ME1: variants seen among roughly 807,000 people sequenced by gnomAD.
The protein encoded by ME1 is NADP-dependent malic enzyme.
ME1 carries 74 observed loss-of-function variants against 66.4 expected under a neutral mutation model. That is an observed-to-expected ratio of 1.11 (90% confidence interval 0.92 to 1.35). The LOEUF (loss-of-function observed/expected upper bound fraction) is 1.35, where lower values mean the gene tolerates loss of function less well. Among genes scored for constraint, ME1 ranks in the 40% most tolerant of loss-of-function variants. The probability of loss-of-function intolerance (pLI) is 0.00; values close to 1 mark genes in which losing one functional copy is unlikely to be tolerated. For missense variants in ME1, 750 were observed against 694.1 expected, an observed-to-expected ratio of 1.08 and a Z score of -0.90; for synonymous variants, 251 against 235.6, an observed-to-expected ratio of 1.07 and a Z score of -0.60.
chr6:83,222,344 T>A (rs1348840615), intron 12 of ME1, among the ~76,000 whole-genome samples: 1 of 152,202 alleles, frequency 6.6e-6, no homozygotes. Context: ...TCTCATAGAA[T>A]GACACCGGGT....
intron 6 of ME1, among the ~76,000 whole-genome samples, chr6:83,254,289 G>A (rs1302031072): frequency 2.6e-5 from 4 of 152,198 alleles, no homozygotes; most frequent in Admixed American, 2.6e-4. Context: ...TAAGGGTGTA[G>A]TGAAAGATAC....
At chr6:83,424,010 C>A (rs116558528) in intron 1 of ME1, among the ~76,000 whole-genome samples, 1 of 146,422 alleles carries the variant, frequency 6.8e-6, no homozygotes, top group African/African-American at 2.5e-5. Flanking sequence ...CTCAAGAGGA[C>A]GGACTGAGTC....
intron 5 of ME1, among the ~76,000 whole-genome samples, chr6:83,326,568 G>A (rs183623714): frequency 6.6e-6 from 1 of 152,154 alleles, no homozygotes; most frequent in Admixed American, 6.5e-5. Flanking sequence ...ATCAGAAAGT[G>A]GGCAAAGGAT....
At chr6:83,244,343 T>A (rs925858164) in intron 7 of ME1, among the ~76,000 whole-genome samples, 1 of 152,048 alleles carries the variant, frequency 6.6e-6, no homozygotes, top group African/African-American at 2.4e-5. Context: ...ATAAAACACA[T>A]GTGAAACTGT....
intron 4 of ME1, among the ~76,000 whole-genome samples, chr6:83,350,380 C>G (rs1401374072): frequency 6.6e-6 from 1 of 152,200 alleles, no homozygotes; most frequent in African/African-American, 2.4e-5. Context: ...TGATAGCTTA[C>G]TGCCTAGCTG....
rs575627016 is a variant in ME1, at chr6:83,417,159, C to G, written c.79-9258G>C. Among the ~76,000 whole-genome samples, 4 of 152,256 alleles carry G rather than the reference C, an allele frequency of 2.6e-5. No individual in the cohort carries two copies. In the South Asian group the frequency reaches 6.2e-4, roughly 24 times the overall value. On this transcript the variant is annotated intron_variant, in intron 1 of 13. Coordinates refer to ENST00000369705, the MANE Select transcript of ME1 (RefSeq NM_002395.6). The stretch of plus-strand genomic sequence containing the variant: ...CGAATTCCTGGGCTCAAGCAATCCT[C>G]TTGCCTTAGCTTCTTGAGTAGCTGG...
At chr6:83,377,973 C>CA (rs1218773601) in intron 3 of ME1, among the ~76,000 whole-genome samples, 3 of 152,024 alleles carry the variant, frequency 2.0e-5, no homozygotes, top group Admixed American at 1.3e-4. Flanking sequence ...AGAGGAACCA[C>CA]AGAGATCCAG....
intron 4 of ME1, among the ~76,000 whole-genome samples, chr6:83,349,865 T>C (rs1017424050): frequency 6.6e-6 from 1 of 152,210 alleles, no homozygotes; most frequent in African/African-American, 2.4e-5. Context: ...AATTTCCTTA[T>C]TATCTAAAAA....
intron 7 of ME1, among the ~76,000 whole-genome samples, chr6:83,242,957 C>G (rs1241484145): frequency 6.6e-6 from 1 of 151,884 alleles, no homozygotes; most frequent in African/African-American, 2.4e-5. Context: ...GGAAGCTGGT[C>G]AAAAGTCTGT....
chr6:83,271,538 A>G (rs1767081671), intron 6 of ME1, among the ~76,000 whole-genome samples: 1 of 152,220 alleles, frequency 6.6e-6, no homozygotes, highest in Non-Finnish European at 1.5e-5. Flanking sequence ...TCTCATATCA[A>G]CTACATCAGT....
intron 3 of ME1, among the ~76,000 whole-genome samples, chr6:83,365,315 A>C (rs1037041019): frequency 6.6e-6 from 1 of 151,962 alleles, no homozygotes; most frequent in African/African-American, 2.4e-5. Context: ...GCTGGTCTTG[A>C]ACTCCTGAGC....
intron 12 of ME1, among the ~76,000 whole-genome samples, chr6:83,218,240 C>A (rs1009472851): frequency 6.6e-6 from 1 of 152,160 alleles, no homozygotes; most frequent in East Asian, 1.9e-4. Context: ...CCACAAACCA[C>A]AGCCACCCCC....
chr6:83,373,500 G>A (rs971958288), intron 3 of ME1, among the ~76,000 whole-genome samples: 5 of 152,138 alleles, frequency 3.3e-5, no homozygotes, highest in African/African-American at 7.2e-5. Context: ...TTACAGGCGT[G>A]AGCCACCGCA....
intron 7 of ME1, 22 bp from the exon 8 acceptor site, chr6:83,239,658 C>T: frequency 6.5e-7 from 1 of 1,528,950 alleles, no homozygotes; most frequent in Non-Finnish European, 9.1e-7. Flanking sequence ...AATAAATATC[C>T]TTGAGTAATC....
At chr6:83,418,146 T>G (rs1770197278) in intron 1 of ME1, among the ~76,000 whole-genome samples, 1 of 152,220 alleles carries the variant, frequency 6.6e-6, no homozygotes, top group Non-Finnish European at 1.5e-5. Context: ...TACAGTTACT[T>G]TATGGGCGGT....
At chr6:83,257,044 G>A (rs1394088634) in intron 6 of ME1, among the ~76,000 whole-genome samples, 1 of 151,830 alleles carries the variant, frequency 6.6e-6, no homozygotes, top group Non-Finnish European at 1.5e-5. Flanking sequence ...GCCTGTTTGG[G>A]GGTGTGGGGC....
chr6:83,231,133 G>C (rs1790300361), intron 9 of ME1, among the ~76,000 whole-genome samples: 1 of 151,942 alleles, frequency 6.6e-6, no homozygotes. Flanking sequence ...GTCAAGCTGA[G>C]ATATAATGAA....
intron 6 of ME1, among the ~76,000 whole-genome samples, chr6:83,281,890 A>G (rs1473521412): frequency 1.3e-5 from 2 of 150,346 alleles, no homozygotes; most frequent in Non-Finnish European, 3.0e-5. Context: ...AGAAAACCAA[A>G]CACTGAATGT....
chr6:83,363,087 C>T (rs1176050474), intron 3 of ME1, among the ~76,000 whole-genome samples: 2 of 152,122 alleles, frequency 1.3e-5, no homozygotes, highest in Non-Finnish European at 2.9e-5. Flanking sequence ...CTGTCTCACC[C>T]ACAGCCAGGA....
Sources: allele counts gnomAD v4.1 joint callset (sites outside exome capture counted in the v4.1 genomes callset), GRCh38; gene constraint gnomAD v4.1.1; transcripts MANE v1.5; gene names NCBI Gene and HGNC (gene_info 2026-07-23, HGNC 2026-07-21).